The following AGBL1 variants were observed in gnomAD, a reference collection of about 807,000 sequenced individuals.
AGBL1 encodes the protein cytosolic carboxypeptidase 4.
Under a neutral mutation model 118.9 loss-of-function variants are expected in AGBL1, and 130 were observed. The observed-to-expected ratio is 1.09, with a 90% confidence interval of 0.95 to 1.26. The LOEUF is 1.26. Ranked by LOEUF, AGBL1 falls within the 50% of genes most tolerant of loss-of-function variation. AGBL1 has a pLI of 0.00. For missense variants in AGBL1, 1,584 were observed against 1,298.1 expected, an observed-to-expected ratio of 1.22 and a Z score of -3.38; for synonymous variants, 555 against 478.9, an observed-to-expected ratio of 1.16 and a Z score of -2.08.
intron 6 of AGBL1, among the ~76,000 whole-genome samples, chr15:86,226,305 G>T (rs1018320869): frequency 2.0e-5 from 3 of 152,130 alleles, no homozygotes; most frequent in Non-Finnish European, 4.4e-5. Flanking sequence ...AGGTGAGGGG[G>T]TGTTGAATTG....
intron 21 of AGBL1, among the ~76,000 whole-genome samples, chr15:86,578,854 C>G (rs150074661): frequency 6.6e-6 from 1 of 152,194 alleles, no homozygotes; most frequent in Non-Finnish European, 1.5e-5. Flanking sequence ...CAACAAACCT[C>G]TTTCTTTTGA....
At chr15:86,783,450 C>G (rs1268145773) in intron 22 of AGBL1, among the ~76,000 whole-genome samples, 2 of 152,146 alleles carry the variant, frequency 1.3e-5, no homozygotes, top group African/African-American at 4.8e-5. Flanking sequence ...TCTTCTTTTT[C>G]TTCACAGCAC....
At chr15:86,691,478 A>C (rs1379894356) in intron 22 of AGBL1, among the ~76,000 whole-genome samples, 2 of 152,090 alleles carry the variant, frequency 1.3e-5, no homozygotes, top group East Asian at 3.9e-4. Context: ...TGGGAGGGGA[A>C]AATTGGACTC....
intron 14 of AGBL1, among the ~76,000 whole-genome samples, chr15:86,270,503 C>T (rs535116000): frequency 5.3e-5 from 8 of 152,132 alleles, no homozygotes; most frequent in African/African-American, 1.4e-4. Context: ...TACCCGTGGC[C>T]ATTTTGGAGG....
At chr15:87,004,895 C>CA (rs1472738578) in intron 24 of AGBL1, among the ~76,000 whole-genome samples, 1 of 152,074 alleles carries the variant, frequency 6.6e-6, no homozygotes, top group Admixed American at 6.6e-5. Flanking sequence ...GTGTTGGTGA[C>CA]AAAATCTCTC....
chr15:86,583,045 T>A (rs866344402), intron 21 of AGBL1, among the ~76,000 whole-genome samples: 7 of 150,466 alleles, frequency 4.7e-5, no homozygotes, highest in South Asian at 2.1e-4. Flanking sequence ...TTTTTTGAAA[T>A]TTTTTTTTTA....
At chr15:86,083,144 T>G (rs759167007) in intron 1 of AGBL1, among the ~76,000 whole-genome samples, 1 of 152,200 alleles carries the variant, frequency 6.6e-6, no homozygotes, top group Non-Finnish European at 1.5e-5. Context: ...TTGCCTACAC[T>G]TTTTGTCAAC....
intron 17 of AGBL1, among the ~76,000 whole-genome samples, chr15:86,385,488 C>G (rs1285130549): frequency 6.6e-6 from 1 of 152,196 alleles, no homozygotes; most frequent in African/African-American, 2.4e-5. Flanking sequence ...TTCACACACA[C>G]TTTGAAGTTT....
intron 22 of AGBL1, among the ~76,000 whole-genome samples, chr15:86,878,490 T>C (rs1487776397): frequency 6.6e-6 from 1 of 152,174 alleles, no homozygotes; most frequent in Non-Finnish European, 1.5e-5. Flanking sequence ...TCAAGCTTCT[T>C]GTTCATGGCC....
intron 19 of AGBL1, among the ~76,000 whole-genome samples, chr15:86,538,200 G>A (rs1403067479): frequency 1.3e-5 from 2 of 152,196 alleles, no homozygotes; most frequent in African/African-American, 4.8e-5. Flanking sequence ...AGTAAAGGCT[G>A]CTTTTCTAAG....
chr15:86,209,159 G>C (rs910485262), intron 5 of AGBL1, among the ~76,000 whole-genome samples: 1 of 152,174 alleles, frequency 6.6e-6, no homozygotes, highest in Non-Finnish European at 1.5e-5. Flanking sequence ...GTTTTAATAT[G>C]ATTGCACTGT....
At chr15:86,938,418 A>G (rs768449135) in intron 23 of AGBL1, among the ~76,000 whole-genome samples, 2 of 152,192 alleles carry the variant, frequency 1.3e-5, no homozygotes, top group Non-Finnish European at 2.9e-5. Context: ...TACTAAAATA[A>G]TCATAGTAAT....
intron 19 of AGBL1, among the ~76,000 whole-genome samples, chr15:86,545,155 T>C (rs1022145448): frequency 6.6e-6 from 1 of 152,130 alleles, no homozygotes; most frequent in Non-Finnish European, 1.5e-5. Flanking sequence ...ACCACAAGAG[T>C]AGCATGTTTC....
At chr15:86,325,670 C>G (rs2080173286) in intron 17 of AGBL1, among the ~76,000 whole-genome samples, 1 of 152,172 alleles carries the variant, frequency 6.6e-6, no homozygotes, top group Non-Finnish European at 1.5e-5. Context: ...TTCCATCCCC[C>G]TAGCAAGGTG....
intron 24 of AGBL1, among the ~76,000 whole-genome samples, chr15:87,006,588 G>C (rs2081506962): frequency 6.6e-6 from 1 of 152,204 alleles, no homozygotes; most frequent in Non-Finnish European, 1.5e-5. Flanking sequence ...GGTGTCATCT[G>C]TCACAGCTTT....
intron 21 of AGBL1, among the ~76,000 whole-genome samples, chr15:86,558,192 G>A (rs1051689808): frequency 6.6e-6 from 1 of 152,090 alleles, no homozygotes; most frequent in Non-Finnish European, 1.5e-5. Flanking sequence ...CGTAGTAGAT[G>A]CTGCGGTCCA....
At chr15:86,339,896 G>A (rs550410584) in intron 17 of AGBL1, among the ~76,000 whole-genome samples, 320 of 152,058 alleles carry the variant, frequency 2.1e-3, no homozygotes, top group Non-Finnish European at 3.5e-3. Context: ...AACCTGGGAG[G>A]CAGAGGTTGC....
chr15:87,028,674 T>C, intron 24 of AGBL1: 1 of 662,754 alleles, frequency 1.5e-6, no homozygotes, highest in East Asian at 2.8e-5. Context: ...CTTACATCTC[T>C]AATCTAAATG....
chr15:87,018,840 G>A (rs8042911), intron 24 of AGBL1, among the ~76,000 whole-genome samples: 58,340 of 151,704 alleles, frequency 0.38, 11,714 homozygotes, highest in East Asian at 0.51. Flanking sequence ...GCTGGATAAT[G>A]AGTGAAGAAG....
Sources: gnomAD v4.1 joint callset for allele counts (sites outside exome capture counted in the v4.1 genomes callset) on GRCh38, gnomAD v4.1.1 for gene constraint, MANE v1.5 for transcripts, NCBI Gene and HGNC (gene_info 2026-07-23, HGNC 2026-07-21) for gene names.